HSPG2: variants seen among roughly 807,000 people sequenced by gnomAD.
HSPG2 encodes the protein heparan sulfate proteoglycan 2.
A neutral mutation model predicts 526.6 loss-of-function variants in HSPG2; 278 were observed. The ratio of observed to expected loss-of-function variants is 0.53; its 90% CI spans 0.48 to 0.58. The LOEUF (loss-of-function observed/expected upper bound fraction) is 0.58. Among genes scored for constraint, HSPG2 ranks in the 20% least tolerant of loss-of-function variants. The pLI, the probability that HSPG2 is intolerant of heterozygous loss-of-function variation, is 0.00. For missense variants in HSPG2, 5,354 were observed against 6,099.5 expected (o/e 0.88, Z 4.07); for synonymous variants, 2,465 against 2,555.4 (o/e 0.96, Z 1.07).
chr1:21,838,135 CAAAAAAAAA>C (rs35291473), intron 74 of HSPG2, among the ~76,000 whole-genome samples: 1 of 75,278 alleles, frequency 1.3e-5, no homozygotes, highest in Non-Finnish European at 2.4e-5. Flanking sequence ...GATTCTGTCT[CAAAAAAAAA>C]AAAAAAAAAA....
rs745900494 is a variant in HSPG2 at position 21,839,791 on chromosome 1, G to C, written c.9709+31C>G. ...TCAGACCCCAGGGCATCCCTGCCCT[G>C]CCAGCCCTATGTGCCAGCCCTTGGT... On this transcript the variant is annotated intron_variant, in intron 72 of 96. Transcript: ENST00000374695. This position sits in a 1 kb window ranked among gnomAD's most constrained non-coding sequence, Gnocchi z 4.5. 11 of 1,609,166 alleles carry C rather than the reference G, an allele frequency of 6.8e-6. No individual in the cohort carries two copies. Among genetic ancestry groups the C allele is most frequent in the Admixed American group, 3.3e-5 (2 of 59,922 alleles).
chr1:21,931,376 A>G (rs951283487), intron 1 of HSPG2, among the ~76,000 whole-genome samples: 1 of 152,240 alleles, frequency 6.6e-6, no homozygotes, highest in African/African-American at 2.4e-5. Context: ...AGGGGGTGGC[A>G]GGGCCAAAGA....
intron 1 of HSPG2, among the ~76,000 whole-genome samples, chr1:21,924,233 G>C (rs1644123499): frequency 6.6e-6 from 1 of 152,174 alleles, no homozygotes; most frequent in Non-Finnish European, 1.5e-5. Flanking sequence ...AGAGGAAGGT[G>C]GAAGCTGCCT....
Position 21,890,087 on chromosome 1 carries a change from C to T in HSPG2, c.468G>A (p.Ala156=), listed in dbSNP as rs113464689. The change falls in exon 6 of 97, where the codon GCG becomes GCA. Residue 156 remains alanine (A), a synonymous_variant. Coordinates refer to ENST00000374695, the MANE Select transcript of HSPG2 (RefSeq NM_005529.7). The surrounding 1 kb of genome is among the most constrained non-coding windows in gnomAD (Gnocchi z 4.1). The part of the protein sequence containing the change: ...VELDVGSEGN[A]DGAQIQEMLL... ...GCATCTCCTGAATCTGAGCCCCATC[C>T]GCATTCCCTTCCGAGCCCACATCCA... The T allele has an allele frequency of 4.0e-4, 651 of 1,614,002 alleles. 4 individuals carry two copies. The East Asian group carries it at 0.012, about 30-fold the overall frequency.
Position 21,873,960 on chromosome 1 carries a change from C to T in HSPG2, c.3708G>A (p.Ala1236=), listed in dbSNP as rs202214491. The change falls in exon 29 of 97, where the codon GCG becomes GCA. Residue 1236 remains alanine (A), a synonymous_variant. Coordinates refer to ENST00000374695, the MANE Select transcript of HSPG2 (RefSeq NM_005529.7). The part of the protein sequence containing the change: ...LDTDGHPTCD[A]CSPGHSGRHC... ...GACGCCCACTGTGGCCTGGGGAGCA[C>T]GCATCACAGGTGGGGTGGCCGTCTG... 1,548 of 1,605,528 alleles carry T rather than the reference C, an allele frequency of 9.6e-4. 21 individuals carry two copies. The South Asian group carries it at 0.013, about 14-fold the overall frequency.
At chr1:21,851,966 G>A in intron 53 of HSPG2, 40 bp from the exon 54 acceptor site, 1 of 1,606,494 alleles carries the variant, frequency 6.2e-7, no homozygotes, top group South Asian at 1.1e-5. Flanking sequence ...GGGCTTCCCG[G>A]AGGCCAGCAA....
chr1:21,884,436 G>C lies in HSPG2; in HGVS notation c.1654+92C>G. On this transcript the variant is annotated intron_variant, in intron 13 of 96. Transcript: ENST00000374695. ...GACTCACATTCCTTCCCGAAACCTGGCCCCCTCTGTCCGCATCTATCCTCT... is the reference window on the plus strand; with the variant it reads ...GACTCACATTCCTTCCCGAAACCTGCCCCCCTCTGTCCGCATCTATCCTCT... The C allele has an allele frequency of 3.3e-6, 5 of 1,522,828 alleles. No homozygotes were observed. The South Asian group carries it at 5.6e-5, about 17-fold the overall frequency. 94.3% of individuals were successfully genotyped at this position (1,522,828 alleles called of 1,614,324 possible). A position where few individuals can be genotyped will look rare whatever the true frequency, so the allele number is the denominator to read the frequency against.
chr1:21,887,129 A>AC lies in HSPG2; in HGVS notation c.1078+85_1078+86insG. 1 of 1,080,202 alleles carries AC rather than the reference A, an allele frequency of 9.3e-7. No individual in the cohort carries two copies. The highest frequency in any genetic ancestry group is 1.5e-5 in the South Asian group (1 of 68,706). The allele number at this position is 1,080,202 out of a possible 1,614,324, so 66.9% of individuals were successfully genotyped here. A position where few individuals can be genotyped will look rare whatever the true frequency, so the allele number is the denominator to read the frequency against. On this transcript the variant is annotated intron_variant, in intron 9 of 96. Transcript: ENST00000374695. This position sits in a 1 kb window ranked among gnomAD's most constrained non-coding sequence, Gnocchi z 5.0. The stretch of plus-strand genomic sequence containing the variant: ...AGGGGGGAAAGCGGAGGGGCAGGGT[A>AC]GGGGCGGGGCAGGAGTGGAAGGCGG...
In HSPG2 at chr1:21,893,328, G is replaced by A. The variant is rs1359536810; in HGVS notation, c.244+2594C>T. On this transcript the variant is annotated intron_variant, in intron 3 of 96. Coordinates refer to ENST00000374695, the MANE Select transcript of HSPG2 (RefSeq NM_005529.7). The surrounding 1 kb of genome is among the most constrained non-coding windows in gnomAD (Gnocchi z 4.3). ...CAACACCCCATGGGGAAGAACGCCC[G>A]CCAGGGTTCCAGCCCACTGTGTTTA... 1.3e-5 allele frequency among the ~76,000 whole-genome samples: 2 copies of A among 152,138 alleles called. No homozygotes were observed. The highest frequency in any genetic ancestry group is 2.4e-5 in the African/African-American group (1 of 41,428).
Position 21,904,764 on chromosome 1 carries a change from G to A in HSPG2, c.64-8454C>T, listed in dbSNP as rs572434394. ...CTGGGGGTCGAACACTATCTGCCAG[G>A]CACCACGGCTGCCGGCAACACCTGC... On this transcript the variant is annotated intron_variant, in intron 1 of 96. Coordinates refer to ENST00000374695, the MANE Select transcript of HSPG2 (RefSeq NM_005529.7). This position sits in a 1 kb window ranked among gnomAD's most constrained non-coding sequence, Gnocchi z 4.4. Among the ~76,000 whole-genome samples, 6 of 152,262 alleles carry A rather than the reference G, an allele frequency of 3.9e-5. No homozygotes were observed. The East Asian group carries it at 1.2e-3, about 29-fold the overall frequency.
chr1:21,823,616 C>A lies in HSPG2; in HGVS notation c.13003G>T (p.Gly4335Cys). ...AVNAKGSVYI[G>C]GAPDVATLTG... ...CCCTGAGAAGGAGCCCCAGACTTAC[C>A]GATGTAGACGCTGCCCTTGGCGTTG... is the stretch of plus-strand genomic sequence containing the variant. The change falls in exon 96 of 97, where the codon GGC becomes TGC. Residue 4335 changes from glycine (G) to cysteine (C), a missense_variant and splice_region_variant. Coordinates refer to ENST00000374695, the MANE Select transcript of HSPG2 (RefSeq NM_005529.7). The A allele has an allele frequency of 1.2e-6, 2 of 1,613,340 alleles. No homozygotes were observed. The highest frequency in any genetic ancestry group is 1.7e-6 in the Non-Finnish European group (2 of 1,179,524).
Position 21,932,741 on chromosome 1 carries a change from T to G in HSPG2, c.63+4414A>C, listed in dbSNP as rs116804513. The stretch of plus-strand genomic sequence containing the variant: ...GAAGGAACAGCAGACGCAGAGACCC[T>G]AAGGTGGGAGTGTGTTTCACATGCT... On this transcript the variant is annotated intron_variant, in intron 1 of 96. Transcript: ENST00000374695. Among the ~76,000 whole-genome samples, 707 of 152,240 alleles carry G rather than the reference T, an allele frequency of 4.6e-3. 4 individuals are homozygous for G. Among genetic ancestry groups the G allele is most frequent in the African/African-American group, 0.016 (673 of 41,542 alleles).
At position 21,937,273 on chromosome 1, in the gene HSPG2, G is replaced by T; in HGVS notation, c.-56C>A. 5.4e-6 allele frequency: 3 copies of T among 557,370 alleles called. No homozygotes were observed. Among genetic ancestry groups the T allele is most frequent in the Non-Finnish European group, 6.5e-6 (3 of 462,416 alleles). 34.5% of individuals were successfully genotyped at this position (557,370 alleles called of 1,614,324 possible). A position where few individuals can be genotyped will look rare whatever the true frequency, so the allele number is the denominator to read the frequency against. On this transcript the variant is annotated 5_prime_UTR_variant, in exon 1 of 97. Transcript: ENST00000374695. ...CGCTCCGCGCCGCCCGCTCCGCGCC[G>T]CCCGCAGCCGCCCGCTCGCCGGCCA... is the stretch of plus-strand genomic sequence containing the variant.
Position 21,878,521 on chromosome 1 carries a change from C to T in HSPG2, c.2559-30G>A, listed in dbSNP as rs1641265400. The T allele has an allele frequency of 5.0e-6, 8 of 1,613,868 alleles. No homozygotes were observed. In the South Asian group the frequency reaches 6.6e-5, roughly 13 times the overall value. On this transcript the variant is annotated intron_variant, in intron 19 of 96. Coordinates refer to ENST00000374695, the MANE Select transcript of HSPG2 (RefSeq NM_005529.7). ...GGGAGAGAGGGGGCCGCCATCAGCACTTCCATGACCCCACCCAGGAGCCCC... is the reference window on the plus strand; with the variant it reads ...GGGAGAGAGGGGGCCGCCATCAGCATTTCCATGACCCCACCCAGGAGCCCC...
chr1:21,876,758 C>A (rs755669972), intron 21 of HSPG2, 106 bp from the exon 22 acceptor site: 59 of 1,485,624 alleles, frequency 4.0e-5, no homozygotes, highest in Non-Finnish European at 5.3e-5. Flanking sequence ...CCCAGGGGAG[C>A]CACTGAAAGA....
At chr1:21,918,712 CAT>C (rs1241400266) in intron 1 of HSPG2, among the ~76,000 whole-genome samples, 1 of 152,178 alleles carries the variant, frequency 6.6e-6, no homozygotes, top group African/African-American at 2.4e-5. Context: ...GTGTGTGGCA[CAT>C]GCTACATACT....
At chr1:21,841,927 A>G (rs1417866699) in intron 69 of HSPG2, 75 bp downstream of exon 69, 1 of 1,587,028 alleles carries the variant, frequency 6.3e-7, no homozygotes, top group Admixed American at 1.7e-5. Flanking sequence ...CTTCTGCCCC[A>G]CCCTTGCACA....
Position 21,879,044 on chromosome 1 carries a change from C to G in HSPG2, c.2421G>C (p.Thr807=), listed in dbSNP as rs148592148. The G allele has an allele frequency of 1.2e-6, 2 of 1,614,198 alleles. No homozygotes were observed. The highest frequency in any genetic ancestry group is 3.3e-5 in the Admixed American group (2 of 60,032). Residue 807 remains threonine (T), a synonymous_variant, in exon 18 of 97, where the codon ACG becomes ACC. Coordinates refer to ENST00000374695, the MANE Select transcript of HSPG2 (RefSeq NM_005529.7). Reference sequence around the variant, plus strand: ...AAGGGCAGGGCCGGCAGGAAGTGGCCGTGGCCTTCATGGCGTCCCCAAAGA... The same window carrying G: ...AAGGGCAGGGCCGGCAGGAAGTGGCGGTGGCCTTCATGGCGTCCCCAAAGA... ...AGFFGDAMKA[T]ATSCRPCPCP...
intron 1 of HSPG2, among the ~76,000 whole-genome samples, chr1:21,912,262 C>T (rs945517219): frequency 1.1e-4 from 17 of 152,076 alleles, no homozygotes; most frequent in African/African-American, 3.6e-4. Context: ...ATAAAAATGA[C>T]CCCCTCACAA....
Sources: allele counts gnomAD v4.1 joint callset (sites outside exome capture counted in the v4.1 genomes callset), GRCh38; gene constraint gnomAD v4.1.1; non-coding constraint Gnocchi (gnomAD v3.1); transcripts MANE v1.5; gene names NCBI Gene and HGNC (gene_info 2026-07-23, HGNC 2026-07-21).